TJP1: variants seen among roughly 807,000 people sequenced by gnomAD.
TJP1 encodes tight junction protein ZO-1.
Under a neutral mutation model 194.2 loss-of-function variants are expected in TJP1, and 43 were observed. The observed-to-expected ratio is 0.22, with a 90% CI of 0.17 to 0.29. The LOEUF (loss-of-function observed/expected upper bound fraction) is 0.29. TJP1 is among the 10% of genes least tolerant of loss of function. TJP1 has a pLI of 1.00. For synonymous variants in TJP1, 801 were observed against 779.0 expected (o/e 1.03, Z -0.47); for missense variants, 1,971 against 2,185.7 (o/e 0.90, Z 1.96).
chr15:29,936,423 C>G (rs756336018), intron 2 of TJP1, among the ~76,000 whole-genome samples: 1 of 152,204 alleles, frequency 6.6e-6, no homozygotes, highest in Non-Finnish European at 1.5e-5. Context: ...AGACATTGTG[C>G]TCATTCCTTG....
chr15:29,782,912 AAC>A (rs2047460583), intron 2 of TJP1, among the ~76,000 whole-genome samples: 2 of 151,442 alleles, frequency 1.3e-5, no homozygotes, highest in African/African-American at 4.9e-5. Flanking sequence ...AAAAAAAAAA[AAC>A]ACGTTGCCAA....
At chr15:29,740,131 G>GCGCCCACCACCA (rs1338277912) in intron 10 of TJP1, among the ~76,000 whole-genome samples, 6 of 152,018 alleles carry the variant, frequency 3.9e-5, no homozygotes, top group Non-Finnish European at 7.4e-5. Context: ...GGGACTATAG[G>GCGCCCACCACCA]CGCCCAGCTA....
intron 18 of TJP1, among the ~76,000 whole-genome samples, chr15:29,722,365 C>T (rs892838745): frequency 2.0e-5 from 3 of 152,224 alleles, no homozygotes; most frequent in South Asian, 4.1e-4. Flanking sequence ...TAGCTCCAGA[C>T]ATGGCCAAAA....
intron 2 of TJP1, among the ~76,000 whole-genome samples, chr15:29,923,440 C>A (rs117489697): frequency 1.9e-3 from 287 of 152,272 alleles, no homozygotes; most frequent in Middle Eastern, 6.8e-3. Flanking sequence ...GACTCACAGG[C>A]CCTTCTGCTG....
At chr15:29,699,956 T>C, downstream of TJP1, 1 of 247,414 alleles carries the variant, frequency 4.0e-6, no homozygotes. Flanking sequence ...TCTGCCCCAC[T>C]TCAGTCTGAG....
intron 26 of TJP1, among the ~76,000 whole-genome samples, chr15:29,704,599 T>A (rs1167978732): frequency 1.3e-5 from 2 of 152,230 alleles, no homozygotes; most frequent in African/African-American, 4.8e-5. Context: ...ATATATGAAA[T>A]CTTTGGAACT....
At chr15:29,703,713 G>A (rs574985299) in intron 27 of TJP1, among the ~76,000 whole-genome samples, 15 of 152,026 alleles carry the variant, frequency 9.9e-5, no homozygotes, top group African/African-American at 3.6e-4. Context: ...CACGATCTTG[G>A]CTCACTGCAA....
intron 10 of TJP1, 134 bp from the exon 11 acceptor site, chr15:29,737,548 A>G (rs1807555779): frequency 1.3e-5 from 12 of 903,114 alleles, no homozygotes; most frequent in Non-Finnish European, 1.9e-5. Context: ...CCACTATTTT[A>G]CTAAATAAAA....
In TJP1 at chr15:29,718,745, C is replaced by T. The variant is rs765755824; in HGVS notation, c.3397G>A (p.Glu1133Lys). ...TCGTAAGACAGAGGGGCTGGCTCTT[C>T]AAAACGTGGAAAGTACCCTCGTTCT... is the stretch of plus-strand genomic sequence containing the variant. ...SSERGYFPRF[E>K]EPAPLSYDSR... Residue 1133 changes from glutamate to lysine, a missense_variant, in exon 21 of 28, where the codon GAA becomes AAA. Physicochemically the swap from Glu to Lys is moderately conservative, Grantham distance 56 (BLOSUM62 1). Coordinates refer to ENST00000614355, the MANE Select transcript of TJP1 (RefSeq NM_001330239.4). 10 of 1,613,990 alleles carry T rather than the reference C, an allele frequency of 6.2e-6. No individual in the cohort carries two copies. Among genetic ancestry groups the T allele is most frequent in the Non-Finnish European group, 8.5e-6 (10 of 1,180,034 alleles).
At chr15:29,798,858 G>A (rs45572438) in intron 2 of TJP1, among the ~76,000 whole-genome samples, 20,594 of 152,152 alleles carry the variant, frequency 0.14, 1,831 homozygotes, top group Non-Finnish European at 0.2. Flanking sequence ...TAACATCATG[G>A]AGAAATCCCA....
intron 2 of TJP1, among the ~76,000 whole-genome samples, chr15:29,868,301 G>A (rs1253665951): frequency 1.3e-5 from 2 of 152,128 alleles, no homozygotes; most frequent in Non-Finnish European, 2.9e-5. Context: ...TCAGTTAGGA[G>A]GTGGCTAACT....
intron 12 of TJP1, 102 bp downstream of exon 12, chr15:29,734,172 C>CACTCA (rs2043859033): frequency 1.4e-6 from 1 of 727,968 alleles, no homozygotes; most frequent in African/African-American, 1.8e-5. Context: ...ATTCATTCAT[C>CACTCA]ACTCAACTAT....
chr15:29,800,327 T>G (rs150300823), intron 2 of TJP1, among the ~76,000 whole-genome samples: 431 of 152,336 alleles, frequency 2.8e-3, no homozygotes, highest in African/African-American at 9.7e-3. Context: ...GATGCATATA[T>G]ACTCAGAAAG....
intron 18 of TJP1, among the ~76,000 whole-genome samples, chr15:29,722,082 T>C (rs140169754): frequency 0.012 from 1,815 of 152,372 alleles, 41 homozygotes; most frequent in African/African-American, 0.042. Context: ...TTGGAAAATT[T>C]GCAGCCTGGC....
intron 2 of TJP1, among the ~76,000 whole-genome samples, chr15:29,862,919 A>AGT (rs1473788352): frequency 6.7e-6 from 1 of 150,328 alleles, no homozygotes; most frequent in African/African-American, 2.4e-5. Flanking sequence ...AAGTACTGGG[A>AGT]TTACAGGCGT....
At chr15:29,914,558 G>T (rs1296199233) in intron 2 of TJP1, among the ~76,000 whole-genome samples, 1 of 152,180 alleles carries the variant, frequency 6.6e-6, no homozygotes, top group East Asian at 1.9e-4. Context: ...GGCAGGGCAA[G>T]AGTGTCAGAT....
intron 2 of TJP1, among the ~76,000 whole-genome samples, chr15:29,873,909 G>A (rs1456155543): frequency 6.6e-6 from 1 of 152,168 alleles, no homozygotes; most frequent in Admixed American, 6.5e-5. Context: ...CAAGAAGTAC[G>A]TGAGATATTG....
At chr15:29,731,019 G>T in intron 15 of TJP1, 1 of 1,123,158 alleles carries the variant, frequency 8.9e-7, no homozygotes, top group Non-Finnish European at 1.3e-6. Flanking sequence ...TGTATTTCTG[G>T]TGACTGTACA....
At chr15:29,816,035 G>C (rs1253272388) in intron 1 of TJP1, among the ~76,000 whole-genome samples, 1 of 149,690 alleles carries the variant, frequency 6.7e-6, no homozygotes, top group Non-Finnish European at 1.5e-5. Flanking sequence ...TTTTGAGACA[G>C]ACTCTCACTC....
Sources: allele counts gnomAD v4.1 joint callset (sites outside exome capture counted in the v4.1 genomes callset), GRCh38; gene constraint gnomAD v4.1.1; transcripts MANE v1.5; gene names NCBI Gene and HGNC (gene_info 2026-07-23, HGNC 2026-07-21).